Variants in TEK observed in about 807,000 individuals in gnomAD.
TEK encodes the protein angiopoietin-1 receptor.
TEK carries 43 observed loss-of-function variants against 131.8 expected under a neutral mutation model. That is an observed-to-expected ratio of 0.33 (90% CI 0.26 to 0.42). The LOEUF (loss-of-function observed/expected upper bound fraction) is 0.42, where lower values mean the gene tolerates loss of function less well. TEK is among the 10% of genes least tolerant of loss of function. The pLI is 1.00. For missense variants in TEK, 1,162 were observed against 1,384.4 expected, an observed-to-expected ratio of 0.84 and a Z score of 2.55; for synonymous variants, 580 against 491.6, an observed-to-expected ratio of 1.18 and a Z score of -2.38.
At chr9:27,137,521 A>G (rs1822512437) in intron 1 of TEK, among the ~76,000 whole-genome samples, 1 of 152,180 alleles carries the variant, frequency 6.6e-6, no homozygotes, top group Non-Finnish European at 1.5e-5. Context: ...TAGCAAAACC[A>G]GCTGGCCCTA....
At chr9:27,134,399 C>T (rs748519517) in intron 1 of TEK, among the ~76,000 whole-genome samples, 24 of 152,156 alleles carry the variant, frequency 1.6e-4, no homozygotes, top group Non-Finnish European at 3.1e-4. Flanking sequence ...ATTTAAAATT[C>T]GCCACTCAAA....
chr9:27,126,997 T>G (rs1270420765), intron 1 of TEK, among the ~76,000 whole-genome samples: 3 of 152,164 alleles, frequency 2.0e-5, no homozygotes, highest in African/African-American at 7.2e-5. Context: ...TATTATACTT[T>G]AAGATCTGGG....
At chr9:27,152,341 A>G (rs4421433) in intron 1 of TEK, among the ~76,000 whole-genome samples, 18,404 of 151,832 alleles carry the variant, frequency 0.12, 1,335 homozygotes, top group Middle Eastern at 0.24. Flanking sequence ...GCTTGCCAAC[A>G]CTTCGAAGAT....
In TEK at chr9:27,205,021, AGG is replaced by A; in HGVS notation, c.2322_2323del (p.Arg774SerfsTer46). The A allele has an allele frequency of 6.2e-7, 1 of 1,614,066 alleles. No individual in the cohort carries two copies. Among genetic ancestry groups the A allele is most frequent in the Non-Finnish European group, 8.5e-7 (1 of 1,179,944 alleles). ...LAFLIILQLK[R>X]ANVQRRMAQA... ...CTTTCTGATCATATTGCAATTGAAG[AGG>A]GCAAATGTGCAAAGGAGAATGGCCC... On this transcript the variant is annotated frameshift_variant, in exon 14 of 23. Transcript: ENST00000380036. LOFTEE classifies it high-confidence loss of function.
chr9:27,136,933 T>C (rs1054260018), intron 1 of TEK, among the ~76,000 whole-genome samples: 3 of 152,188 alleles, frequency 2.0e-5, no homozygotes, highest in Non-Finnish European at 2.9e-5. Context: ...TTATTTATTT[T>C]TGAAATGGAG....
chr9:27,161,192 A>G (rs542012355), intron 2 of TEK, among the ~76,000 whole-genome samples: 3 of 152,258 alleles, frequency 2.0e-5, no homozygotes, highest in Non-Finnish European at 2.9e-5. Flanking sequence ...GCTTAACTTC[A>G]GTTAAATAAG....
chr9:27,129,939 T>C (rs1417908041), intron 1 of TEK, among the ~76,000 whole-genome samples: 1 of 152,222 alleles, frequency 6.6e-6, no homozygotes, highest in African/African-American at 2.4e-5. Flanking sequence ...TTAAGTATTG[T>C]TTTCTTATAT....
intron 1 of TEK, among the ~76,000 whole-genome samples, chr9:27,146,198 A>G (rs1303608784): frequency 6.6e-6 from 1 of 152,222 alleles, no homozygotes; most frequent in East Asian, 1.9e-4. Context: ...GTTTGTGGCT[A>G]TATGCTGCAA....
intron 12 of TEK, among the ~76,000 whole-genome samples, chr9:27,201,903 G>C (rs958602572): frequency 6.6e-6 from 1 of 152,154 alleles, no homozygotes; most frequent in African/African-American, 2.4e-5. Flanking sequence ...AAAAATCTCA[G>C]TACTGTGTGG....
intron 8 of TEK, among the ~76,000 whole-genome samples, chr9:27,184,282 C>G (rs1824511292): frequency 6.6e-6 from 1 of 152,198 alleles, no homozygotes; most frequent in Non-Finnish European, 1.5e-5. Flanking sequence ...TTCGAACATG[C>G]TTTCCTTCTC....
intron 9 of TEK, among the ~76,000 whole-genome samples, chr9:27,189,183 T>C (rs1476677027): frequency 2.0e-5 from 3 of 152,162 alleles, no homozygotes; most frequent in African/African-American, 4.8e-5. Context: ...ATAGAGCTCA[T>C]TGGAAATTCA....
intron 4 of TEK, among the ~76,000 whole-genome samples, chr9:27,170,103 G>A (rs73425196): frequency 0.01 from 1,583 of 152,238 alleles, 25 homozygotes; most frequent in African/African-American, 0.036. Flanking sequence ...AGAGAAGAAT[G>A]AGAGTGAAGG....
intron 1 of TEK, among the ~76,000 whole-genome samples, chr9:27,139,314 C>T (rs1822631336): frequency 7.0e-6 from 1 of 142,090 alleles, no homozygotes; most frequent in South Asian, 2.2e-4. Context: ...TGGAAGACAG[C>T]TTTAACAATT....
At chr9:27,200,897 G>T (rs1356159639) in intron 12 of TEK, among the ~76,000 whole-genome samples, 1 of 152,130 alleles carries the variant, frequency 6.6e-6, no homozygotes, top group Non-Finnish European at 1.5e-5. Context: ...GAGGGTAAGT[G>T]ACTTGCCCAA....
chr9:27,227,386 G>A lies in TEK; in HGVS notation c.3201-820G>A, dbSNP rs546896100. ...TGATGCAAGGGGAAAGGAGTTCTGCGGTCAATTACTTTGGAAACTTTGTGT... is the reference window on the plus strand; with the variant it reads ...TGATGCAAGGGGAAAGGAGTTCTGCAGTCAATTACTTTGGAAACTTTGTGT... On this transcript the variant is annotated intron_variant, in intron 21 of 22. Transcript: ENST00000380036. Among the ~76,000 whole-genome samples, 280 of 152,296 alleles carry A rather than the reference G, an allele frequency of 1.8e-3. 2 individuals carry two copies. Among genetic ancestry groups the A allele is most frequent in the African/African-American group, 6.2e-3 (259 of 41,568 alleles).
intron 2 of TEK, among the ~76,000 whole-genome samples, chr9:27,158,806 A>T (rs1382492630): frequency 6.6e-6 from 1 of 151,850 alleles, no homozygotes; most frequent in East Asian, 1.9e-4. Flanking sequence ...ATTACAGGCA[A>T]GCACCACCAC....
intron 7 of TEK, 154 bp downstream of exon 7, chr9:27,180,522 G>A (rs1035096736): frequency 5.1e-6 from 6 of 1,169,026 alleles, no homozygotes; most frequent in East Asian, 2.6e-5. Context: ...CTAAAGCACA[G>A]CATTTTAATT....
chr9:27,184,196 C>G (rs899629735), intron 8 of TEK, among the ~76,000 whole-genome samples: 6 of 152,106 alleles, frequency 3.9e-5, no homozygotes, highest in African/African-American at 1.4e-4. Context: ...CTTCCCTTTG[C>G]CTTCATTGCT....
intron 13 of TEK, among the ~76,000 whole-genome samples, chr9:27,203,598 A>C (rs927370): frequency 0.21 from 31,295 of 152,010 alleles, 3,692 homozygotes; most frequent in Non-Finnish European, 0.27. Flanking sequence ...AAAGTATGTG[A>C]TTTGAGCTAG....
Sources: allele counts gnomAD v4.1 joint callset (sites outside exome capture counted in the v4.1 genomes callset), GRCh38; gene constraint gnomAD v4.1.1; transcripts MANE v1.5; gene names NCBI Gene and HGNC (gene_info 2026-07-23, HGNC 2026-07-21).